Variants in AKT1 observed in about 807,000 individuals in gnomAD.
The protein encoded by AKT1 is AKT serine/threonine kinase 1, also known as RAC-alpha serine/threonine-protein kinase.
A neutral mutation model predicts 63.1 loss-of-function variants in AKT1; 21 were observed. That is an observed-to-expected ratio of 0.33 (90% CI 0.24 to 0.48). The LOEUF is 0.48. AKT1 is among the 20% of genes least tolerant of loss of function. The pLI, the probability that AKT1 is intolerant of heterozygous loss-of-function variation, is 0.99. For missense variants in AKT1, 382 were observed against 666.0 expected, an observed-to-expected ratio of 0.57 and a Z score of 4.69; for synonymous variants, 257 against 253.1, an observed-to-expected ratio of 1.02 and a Z score of -0.15.
intron 1 of AKT1, among the ~76,000 whole-genome samples, chr14:104,794,749 G>C (rs1447901724): frequency 2.0e-5 from 3 of 152,232 alleles, no homozygotes; most frequent in African/African-American, 7.2e-5. Context: ...AGGAGTGAAT[G>C]TGGGGCGGCC....
intron 9 of AKT1, 79 bp downstream of exon 9, chr14:104,773,833 C>T (rs953883344): frequency 5.6e-5 from 81 of 1,436,156 alleles, no homozygotes; most frequent in Non-Finnish European, 7.1e-5. Flanking sequence ...GGAGAGTAGC[C>T]GAGGCTCCGG....
chr14:104,775,760 G>A lies in AKT1; in HGVS notation c.327C>T (p.Gly109=). The change falls in exon 6 of 15, where the codon GGC becomes GGT. Residue 109 remains glycine (G), a synonymous_variant. Transcript: ENST00000649815. ...TCTCCTCCTCCTCCTGCTTCTTGAG[G>A]CCGTCAGCCACAGTCTGGATGGCGG... ...WTTAIQTVAD[G]LKKQEEEEMD... is the part of the protein sequence containing the mutation. 1 of 1,614,010 alleles carries A rather than the reference G, an allele frequency of 6.2e-7. No homozygotes were observed. Among genetic ancestry groups the A allele is most frequent in the Non-Finnish European group, 8.5e-7 (1 of 1,179,960 alleles).
intron 3 of AKT1, among the ~76,000 whole-genome samples, chr14:104,788,677 C>A (rs61759774): frequency 6.6e-6 from 1 of 152,184 alleles, no homozygotes; most frequent in Admixed American, 6.5e-5. Context: ...AGTGCCCCCC[C>A]GCAGGGACAG....
At position 104,790,458 on chromosome 14, in the gene AKT1, G is replaced by A. The variant is rs576729877; in HGVS notation, c.46+2140C>T. On this transcript the variant is annotated intron_variant, in intron 3 of 14. Transcript: ENST00000649815. ...AGCTAGTACCTCTAACCAGTGTTGC[G>A]GGTGGGGCTGGCCCTGCCAGGAGGG... Among the ~76,000 whole-genome samples the A allele has an allele frequency of 7.2e-5, 11 of 152,294 alleles. No homozygotes were observed. In the South Asian group the frequency reaches 1.2e-3, roughly 17 times the overall value.
intron 4 of AKT1, chr14:104,777,824 G>GA (rs1410783016): frequency 1.7e-6 from 1 of 587,098 alleles, no homozygotes; most frequent in Non-Finnish European, 2.1e-6. Flanking sequence ...GCCAGGAGGG[G>GA]GCTCGGGACC....
chr14:104,792,486 G>A, intron 3 of AKT1, 112 bp downstream of exon 3: 1 of 1,280,338 alleles, frequency 7.8e-7, no homozygotes, highest in Non-Finnish European at 1.1e-6. Context: ...CAGCCCAGGA[G>A]CCCCAGGGGA....
intron 3 of AKT1, among the ~76,000 whole-genome samples, chr14:104,792,023 G>A (rs981834378): frequency 6.6e-6 from 1 of 152,224 alleles, no homozygotes; most frequent in African/African-American, 2.4e-5. Context: ...CCACCCAGCT[G>A]CTGGCCAGGC....
intron 3 of AKT1, among the ~76,000 whole-genome samples, chr14:104,786,528 T>G (rs1320988495): frequency 6.6e-6 from 1 of 152,130 alleles, no homozygotes; most frequent in Non-Finnish European, 1.5e-5. Context: ...TGCTGGCCTC[T>G]CAATCCCTGA....
chr14:104,772,054 G>T (rs1378071079), intron 13 of AKT1: 2 of 509,626 alleles, frequency 3.9e-6, no homozygotes, highest in African/African-American at 3.8e-5. Flanking sequence ...GTCAGGGAAG[G>T]GAACCCCAAG....
chr14:104,773,716 A>G (rs1892539008), intron 9 of AKT1, 136 bp from the exon 10 acceptor site: 1 of 1,358,182 alleles, frequency 7.4e-7, no homozygotes, highest in East Asian at 2.5e-5. Context: ...GGGGGCCTGG[A>G]AAGTCTCAGA....
Position 104,795,238 on chromosome 14 carries a change from A to G in AKT1, c.-258+246T>C, listed in dbSNP as rs1055489486. Among the ~76,000 whole-genome samples the G allele has an allele frequency of 4.6e-5, 7 of 151,202 alleles. No individual in the cohort carries two copies. Among genetic ancestry groups the G allele is most frequent in the African/African-American group, 1.5e-4 (6 of 41,222 alleles). On this transcript the variant is annotated intron_variant, in intron 1 of 14. Transcript: ENST00000649815. This position sits in a 1 kb window ranked among gnomAD's most constrained non-coding sequence, Gnocchi z 5.1. ...CTCGCCCGGCGGAGCGGCCTCCCCA[A>G]GGTCATGAGGGAGGCTGGGGCCGGC...
At chr14:104,780,779 C>T (rs1002825526) in intron 3 of AKT1, among the ~76,000 whole-genome samples, 3 of 152,032 alleles carry the variant, frequency 2.0e-5, no homozygotes, top group Admixed American at 6.5e-5. Flanking sequence ...GAGGTCAGCA[C>T]CACTCAGACT....
At chr14:104,793,361 G>A in intron 1 of AKT1, 57 bp from the exon 2 acceptor site, 2 of 205,508 alleles carry the variant, frequency 9.7e-6, no homozygotes, top group Non-Finnish European at 2.0e-5. Context: ...GCAGGCCACT[G>A]GCGCAAACGG....
chr14:104,778,900 G>C (rs537605995), intron 4 of AKT1, among the ~76,000 whole-genome samples: 3 of 152,322 alleles, frequency 2.0e-5, no homozygotes, highest in African/African-American at 7.2e-5. Flanking sequence ...CTGCACCACA[G>C]ACCTGCCTGA....
Position 104,792,630 on chromosome 14 carries a change from G to C in AKT1, c.14C>G (p.Ala5Gly), listed in dbSNP as rs1338237897. MSDV[A>G]IVKEGWLHKR... ...GTGCAGCCAACCCTCCTTCACAATA[G>C]CCACGTCGCTCATGGTGCCCGAGGC... The change falls in exon 3 of 15, where the codon GCT (alanine) becomes GGT (glycine). Residue 5 changes from alanine (A) to glycine (G), a missense_variant. By Grantham distance (60) the Ala-to-Gly change is moderately conservative. Transcript: ENST00000649815. 6.2e-7 allele frequency: 1 copy of C among 1,611,372 alleles called. No individual in the cohort carries two copies. Among genetic ancestry groups the C allele is most frequent in the Admixed American group, 1.7e-5 (1 of 60,024 alleles).
rs373561553 is a variant in AKT1 at position 104,792,674 on chromosome 14, C to G, written c.-31G>C. On this transcript the variant is annotated 5_prime_UTR_variant, in exon 3 of 15. Coordinates refer to ENST00000649815, the MANE Select transcript of AKT1 (RefSeq NM_001382430.1). ...CCGAGGCTCCCGCGACGCTCACGCGCTCCTCTCAGGCTGGCGCTCCCCGAG... is the reference window on the plus strand; with the variant it reads ...CCGAGGCTCCCGCGACGCTCACGCGGTCCTCTCAGGCTGGCGCTCCCCGAG... The G allele has an allele frequency of 1.9e-6, 3 of 1,606,498 alleles. No individual in the cohort carries two copies. In the African/African-American group the frequency reaches 4.0e-5, roughly 21 times the overall value.
In AKT1 at chr14:104,775,762, C is replaced by G. The variant is rs768800433; in HGVS notation, c.325G>C (p.Gly109Arg). ...WTTAIQTVAD[G>R]LKKQEEEEMD... is the part of the protein sequence containing the mutation. The stretch of plus-strand genomic sequence containing the variant: ...TCCTCCTCCTCCTGCTTCTTGAGGC[C>G]GTCAGCCACAGTCTGGATGGCGGTT... The change falls in exon 6 of 15, where the codon GGC becomes CGC. Residue 109 changes from glycine (G) to arginine (R), a missense_variant. Around this residue, in one of 3 missense-constraint regions of AKT1, gnomAD observed 226 missense variants for 366.4 expected, o/e 0.62. Transcript: ENST00000649815. The G allele has an allele frequency of 3.7e-6, 6 of 1,614,030 alleles. No homozygotes were observed. The highest frequency in any genetic ancestry group is 5.1e-6 in the Non-Finnish European group (6 of 1,179,968).
intron 4 of AKT1, chr14:104,776,987 C>T (rs1231202227): frequency 3.8e-6 from 2 of 523,530 alleles, no homozygotes; most frequent in Non-Finnish European, 6.9e-6. Context: ...GCTGAGGCAG[C>T]CACACAGGGC....
chr14:104,792,972 C>G, intron 2 of AKT1, 155 bp downstream of exon 2: 1 of 502,270 alleles, frequency 2.0e-6, no homozygotes, highest in South Asian at 2.4e-5. Flanking sequence ...CTGGGCCTCT[C>G]CTTATTCTAG....
Sources: gnomAD v4.1 joint callset for allele counts (sites outside exome capture counted in the v4.1 genomes callset) on GRCh38, gnomAD v4.1.1 for gene constraint, gnomAD v4.1.1 regional missense constraint, Gnocchi (gnomAD v3.1) non-coding constraint, MANE v1.5 for transcripts, NCBI Gene and HGNC (gene_info 2026-07-23, HGNC 2026-07-21) for gene names.